The following KATNIP variants were observed in gnomAD, a reference collection of about 807,000 sequenced individuals.
KATNIP encodes the protein katanin interacting protein, also known as katanin-interacting protein.
A neutral mutation model predicts 174.0 loss-of-function variants in KATNIP; 126 were observed. That is an observed-to-expected ratio of 0.72 (90% CI 0.63 to 0.84). The LOEUF is 0.84. Among genes scored for constraint, KATNIP ranks in the 40% least tolerant of loss-of-function variants. The pLI, the probability that KATNIP is intolerant of heterozygous loss-of-function variation, is 0.00. For missense variants in KATNIP, 1,958 were observed against 2,109.7 expected, an observed-to-expected ratio of 0.93 and a Z score of 1.41; for synonymous variants, 810 against 835.7, an observed-to-expected ratio of 0.97 and a Z score of 0.53.
In KATNIP at chr16:27,750,167, C is replaced by T. The variant is rs777225548; in HGVS notation, c.3207C>T (p.His1069=). The stretch of plus-strand genomic sequence containing the variant: ...CCATTGACTTCACGCACCCTTGCCA[C>T]GTTGCCCTGATCAGAATTTGGAACT... ...SITIDFTHPC[H]VALIRIWNYN... Residue 1069 remains histidine, a synonymous_variant, in exon 16 of 28, where the codon CAC becomes CAT. Transcript: ENST00000261588. The T allele has an allele frequency of 1.9e-6, 3 of 1,614,140 alleles. No homozygotes were observed. Among genetic ancestry groups the T allele is most frequent in the South Asian group, 1.1e-5 (1 of 91,078 alleles).
chr16:27,627,274 G>A (rs1044053366), intron 3 of KATNIP, among the ~76,000 whole-genome samples: 5 of 152,138 alleles, frequency 3.3e-5, no homozygotes, highest in African/African-American at 4.8e-5. Flanking sequence ...TCACATTTTT[G>A]TGCTTTCTGC....
chr16:27,777,126 C>G lies in KATNIP; in HGVS notation c.4551+97C>G. 1.2e-6 allele frequency: 1 copy of G among 816,428 alleles called. No homozygotes were observed. Among genetic ancestry groups the G allele is most frequent in the African/African-American group, 1.7e-5 (1 of 59,374 alleles). The allele number at this position is 816,428 out of a possible 1,614,324, so 50.6% of individuals were successfully genotyped here. On this transcript the variant is annotated intron_variant, in intron 25 of 27. Coordinates refer to ENST00000261588, the MANE Select transcript of KATNIP (RefSeq NM_015202.5). The surrounding 1 kb of genome is among the most constrained non-coding windows in gnomAD (Gnocchi z 4.4). The stretch of plus-strand genomic sequence containing the variant: ...TTGTCGCAGTTTGATTTACTTCTCT[C>G]TGTTGCAACCCTCAACACAAATGCC...
At chr16:27,663,481 C>T (rs375183818) in intron 6 of KATNIP, among the ~76,000 whole-genome samples, 3 of 151,434 alleles carry the variant, frequency 2.0e-5, no homozygotes, top group East Asian at 1.9e-4. Flanking sequence ...ATTGCTCTGT[C>T]GCCCAGGCTG....
chr16:27,770,329 G>A (rs1334132868), intron 21 of KATNIP, among the ~76,000 whole-genome samples: 3 of 152,216 alleles, frequency 2.0e-5, no homozygotes, highest in African/African-American at 4.8e-5. Flanking sequence ...GCCAGTTTGG[G>A]GAAGGGCCTT....
chr16:27,625,789 C>T (rs1281971031), intron 3 of KATNIP, among the ~76,000 whole-genome samples: 1 of 152,104 alleles, frequency 6.6e-6, no homozygotes, highest in Non-Finnish European at 1.5e-5. Flanking sequence ...ACACAGTTTT[C>T]CAACATTACC....
At chr16:27,718,060 G>A (rs527359021) in intron 13 of KATNIP, among the ~76,000 whole-genome samples, 1 of 152,278 alleles carries the variant, frequency 6.6e-6, no homozygotes, top group African/African-American at 2.4e-5. Flanking sequence ...CTACTTACAT[G>A]TGGATCCTTG....
intron 1 of KATNIP, among the ~76,000 whole-genome samples, chr16:27,555,733 G>C (rs2141543415): frequency 6.6e-6 from 1 of 152,230 alleles, no homozygotes; most frequent in South Asian, 2.1e-4. Context: ...CCACTTGGGG[G>C]GCTGAGGCAG....
Position 27,708,903 on chromosome 16 carries a change from G to C in KATNIP, c.1588G>C (p.Val530Leu), listed in dbSNP as rs899625042. ...CACGCCTGGGGAGCTGGGCCGCCTC[G>C]TCAACAGGAACTTAGCTGTGAGTGG... Reference protein sequence around the residue: ...TATPGELGRLVNRNLAGKKDS... With the variant: ...TATPGELGRLLNRNLAGKKDS... The change falls in exon 13 of 28, where the codon GTC becomes CTC. Residue 530 changes from valine (V) to leucine (L), a missense_variant. Val to Leu is a conservative substitution (Grantham distance 32, BLOSUM62 1). This residue lies in a region of KATNIP where 1,557 missense variants were observed against 1,617.8 expected (regional missense o/e 0.96). Coordinates refer to ENST00000261588, the MANE Select transcript of KATNIP (RefSeq NM_015202.5). 6.2e-7 allele frequency: 1 copy of C among 1,612,740 alleles called. No homozygotes were observed. The highest frequency in any genetic ancestry group is 1.3e-5 in the African/African-American group (1 of 74,906).
At chr16:27,569,890 G>GTTTTA (rs1412860086) in intron 1 of KATNIP, among the ~76,000 whole-genome samples, 2 of 152,266 alleles carry the variant, frequency 1.3e-5, no homozygotes, top group East Asian at 3.9e-4. Flanking sequence ...TTGCTTTTAT[G>GTTTTA]TTTTATTTTA....
chr16:27,733,737 G>C (rs146452943), intron 14 of KATNIP, among the ~76,000 whole-genome samples: 20 of 152,110 alleles, frequency 1.3e-4, no homozygotes, highest in East Asian at 1.9e-4. Flanking sequence ...ACGACTGGAG[G>C]GGGAGGAAGC....
chr16:27,699,364 C>T (rs1298892872), intron 9 of KATNIP, 170 bp from the exon 10 acceptor site: 5 of 809,200 alleles, frequency 6.2e-6, no homozygotes, highest in African/African-American at 1.9e-5. Context: ...GGGCATCCAT[C>T]GAGCAGCAAC....
At chr16:27,567,965 A>G (rs766331782) in intron 1 of KATNIP, among the ~76,000 whole-genome samples, 1 of 152,224 alleles carries the variant, frequency 6.6e-6, no homozygotes. Context: ...CTCAGTCTCT[A>G]AAAGATAATA....
intron 12 of KATNIP, 63 bp from the exon 13 acceptor site, chr16:27,708,642 G>A: frequency 7.3e-7 from 1 of 1,367,846 alleles, no homozygotes; most frequent in Non-Finnish European, 1.0e-6. Flanking sequence ...TGGTGGCAGA[G>A]GCAGAGCCGA....
At chr16:27,754,332 G>A (rs1294615104) in intron 18 of KATNIP, 81 bp downstream of exon 18, 1 of 1,203,652 alleles carries the variant, frequency 8.3e-7, no homozygotes, top group Non-Finnish European at 1.2e-6. Flanking sequence ...TTGGGACAGG[G>A]TTTCGCTGGA....
intron 18 of KATNIP, among the ~76,000 whole-genome samples, chr16:27,756,205 A>G (rs1211280924): frequency 6.6e-6 from 1 of 152,172 alleles, no homozygotes; most frequent in East Asian, 1.9e-4. Flanking sequence ...AAAATGACCA[A>G]TGATCTCTTA....
intron 3 of KATNIP, among the ~76,000 whole-genome samples, chr16:27,623,900 A>G (rs2076261748): frequency 6.7e-6 from 1 of 149,226 alleles, no homozygotes; most frequent in Non-Finnish European, 1.5e-5. Flanking sequence ...CTTGTGTTCA[A>G]AGGGTCCTCA....
Position 27,771,662 on chromosome 16 carries a change from T to C in KATNIP, c.4198+10T>C, listed in dbSNP as rs1597422383. On this transcript the variant is annotated intron_variant, in intron 22 of 27. Coordinates refer to ENST00000261588, the MANE Select transcript of KATNIP (RefSeq NM_015202.5). Reference sequence around the variant, plus strand: ...CTGATGCCCTGTGGCTGTATCCTTCTCCTCCCGCCCCACCAGCACATTCTG... The same window carrying C: ...CTGATGCCCTGTGGCTGTATCCTTCCCCTCCCGCCCCACCAGCACATTCTG... 1 of 1,612,300 alleles carries C rather than the reference T, an allele frequency of 6.2e-7. No individual in the cohort carries two copies.
At chr16:27,758,511 TGC>T (rs1453410772) in intron 18 of KATNIP, among the ~76,000 whole-genome samples, 1 of 152,164 alleles carries the variant, frequency 6.6e-6, no homozygotes, top group Non-Finnish European at 1.5e-5. Context: ...GTTGCTCCCC[TGC>T]TTCAACATAG....
At chr16:27,763,169 G>C (rs1485907246) in intron 19 of KATNIP, among the ~76,000 whole-genome samples, 3 of 151,330 alleles carry the variant, frequency 2.0e-5, no homozygotes, top group Non-Finnish European at 4.4e-5. Flanking sequence ...AAAAAAATTA[G>C]CCAGGCACTG....
Sources: gnomAD v4.1 joint callset for allele counts (sites outside exome capture counted in the v4.1 genomes callset) on GRCh38, gnomAD v4.1.1 for gene constraint, gnomAD v4.1.1 regional missense constraint, Gnocchi (gnomAD v3.1) non-coding constraint, MANE v1.5 for transcripts, NCBI Gene and HGNC (gene_info 2026-07-23, HGNC 2026-07-21) for gene names.